Variants in SOAT2 observed in about 807,000 individuals in gnomAD.
The protein encoded by SOAT2 is ACAT-2.
SOAT2 carries 87 observed loss-of-function variants against 76.0 expected under a neutral mutation model. That is an observed-to-expected ratio of 1.14 (90% CI 0.96 to 1.37). The LOEUF (loss-of-function observed/expected upper bound fraction) is 1.37. Ranked by LOEUF, SOAT2 falls within the 40% of genes most tolerant of loss-of-function variation. SOAT2 has a pLI of 0.00. For missense variants in SOAT2, 686 were observed against 682.1 expected (o/e 1.01, Z -0.06); for synonymous variants, 285 against 275.4 (o/e 1.03, Z -0.34).
intron 1 of SOAT2, 84 bp downstream of exon 1, chr12:53,103,743 T>A: frequency 9.0e-7 from 1 of 1,111,200 alleles, no homozygotes; most frequent in Non-Finnish European, 1.3e-6. Flanking sequence ...AGGCTCCAAC[T>A]GCCTGATGCC....
intron 12 of SOAT2, among the ~76,000 whole-genome samples, chr12:53,121,701 A>G (rs1172843663): frequency 6.6e-6 from 1 of 151,342 alleles, no homozygotes; most frequent in Non-Finnish European, 1.5e-5. Flanking sequence ...GGGTTTTTAC[A>G]TACATTTAAT....
At chr12:53,105,706 C>G (rs1490728349) in intron 4 of SOAT2, 86 bp downstream of exon 4, 2 of 1,316,932 alleles carry the variant, frequency 1.5e-6, no homozygotes, top group Non-Finnish European at 2.2e-6. Flanking sequence ...TCCCCAGCCT[C>G]TAGGTGGTTT....
rs1394637241 is a variant in SOAT2, at chr12:53,121,314, C to T, written c.1149C>T (p.Asn383=). 3 of 1,614,038 alleles carry T rather than the reference C, an allele frequency of 1.9e-6. No homozygotes were observed. The highest frequency in any genetic ancestry group is 1.7e-5 in the Admixed American group (1 of 60,026). ...CCCACCTTCTCCAGGACTGGTGGAA[C>T]TCAACGTCCTTCTCCAACTACTACC... ...GDRMFYRDWW[N]STSFSNYYRT... is the part of the protein sequence containing the mutation. The change falls in exon 12 of 15, where the codon AAC becomes AAT. Residue 383 remains asparagine (N), a synonymous_variant. Transcript: ENST00000301466.
In SOAT2 at chr12:53,115,630, C is replaced by T; in HGVS notation, c.684C>T (p.Ser228=). 6.4e-7 allele frequency: 1 copy of T among 1,550,508 alleles called. No homozygotes were observed. The highest frequency in any genetic ancestry group is 8.7e-7 in the Non-Finnish European group (1 of 1,154,626). The change falls in exon 6 of 15, where the codon TCC becomes TCT. Residue 228 remains serine, a synonymous_variant. Coordinates refer to ENST00000301466, the MANE Select transcript of SOAT2 (RefSeq NM_003578.4). ...VAVEHQLPPA[S]RCVLVFEQVR... is the part of the protein sequence containing the mutation. The stretch of plus-strand genomic sequence containing the variant: ...TGGAGCATCAGCTCCCGCCGGCCTC[C>T]CGTTGTGTCCTGGTCTTCGAGCAGG...
rs576836879 is a variant in SOAT2, at chr12:53,122,907, G to A, written c.1237-174G>A. 3.6e-3 allele frequency among the ~76,000 whole-genome samples: 544 copies of A among 152,110 alleles called. 3 individuals are homozygous for A. Among genetic ancestry groups the A allele is most frequent in the African/African-American group, 0.012 (500 of 41,518 alleles). On this transcript the variant is annotated intron_variant, in intron 12 of 14. Transcript: ENST00000301466. ...GGGCTCCTCACTTCCCAGTAGGGGC[G>A]GCCGGGCAGAGGCGCCCCTCACCTC... is the stretch of plus-strand genomic sequence containing the variant.
chr12:53,115,229 C>T (rs540171601), intron 5 of SOAT2, among the ~76,000 whole-genome samples, 161 bp from the exon 6 acceptor site: 66 of 152,290 alleles, frequency 4.3e-4, no homozygotes, highest in African/African-American at 1.6e-3. Context: ...CCTGGAGCAA[C>T]GCCCTGTGCC....
At chr12:53,118,956 G>T in intron 9 of SOAT2, 21 bp downstream of exon 9, 2 of 1,613,984 alleles carry the variant, frequency 1.2e-6, no homozygotes, top group Non-Finnish European at 1.7e-6. Flanking sequence ...AGGGTAGAAG[G>T]GTGGACCTGT....
chr12:53,118,228 A>G (rs2121295715), intron 7 of SOAT2, 122 bp from the exon 8 acceptor site: 1 of 442,924 alleles, frequency 2.3e-6, no homozygotes. Flanking sequence ...CTCCTTGCTT[A>G]TCCCCCACCC....
intron 10 of SOAT2, among the ~76,000 whole-genome samples, 161 bp from the exon 11 acceptor site, chr12:53,120,618 CAAAAAAA>C (rs35658019): frequency 1.2e-5 from 1 of 86,810 alleles, no homozygotes; most frequent in Non-Finnish European, 2.4e-5. Flanking sequence ...CAGCCTGTCT[CAAAAAAA>C]AAAAAAAAAA....
chr12:53,105,487 G>C, intron 3 of SOAT2, 74 bp from the exon 4 acceptor site: 1 of 1,449,986 alleles, frequency 6.9e-7, no homozygotes, highest in Non-Finnish European at 9.6e-7. Flanking sequence ...TGGCTCCCAA[G>C]TATTGACCTT....
intron 5 of SOAT2, among the ~76,000 whole-genome samples, chr12:53,106,361 C>T (rs11170414): frequency 0.19 from 28,383 of 152,224 alleles, 3,374 homozygotes; most frequent in African/African-American, 0.34. Context: ...GAGCACCTCC[C>T]GAGTACCAGT....
chr12:53,104,837 A>C (rs1350475292), intron 2 of SOAT2, among the ~76,000 whole-genome samples: 1 of 152,086 alleles, frequency 6.6e-6, no homozygotes, highest in Non-Finnish European at 1.5e-5. Flanking sequence ...AACTCTGGGC[A>C]GGGATCATGG....
At chr12:53,123,949 C>G in intron 14 of SOAT2, 76 bp downstream of exon 14, 1 of 1,606,822 alleles carries the variant, frequency 6.2e-7, no homozygotes, top group Admixed American at 1.7e-5. Context: ...TCCTTGTTCC[C>G]CAACTCACCG....
chr12:53,105,625 G>A lies in SOAT2; in HGVS notation c.335+5G>A. ...CATCCGCAAGTCCCTGCTTGAGTAAGTCGGGGTGATGACAAGTAATGGGAG... is the reference window on the plus strand; with the variant it reads ...CATCCGCAAGTCCCTGCTTGAGTAAATCGGGGTGATGACAAGTAATGGGAG... On this transcript the variant is annotated splice_donor_5th_base_variant and intron_variant, in intron 4 of 14. Transcript: ENST00000301466. 6.2e-7 allele frequency: 1 copy of A among 1,608,558 alleles called. No individual in the cohort carries two copies. Among genetic ancestry groups the A allele is most frequent in the South Asian group, 1.1e-5 (1 of 90,096 alleles).
At chr12:53,123,354 C>T (rs982909567) in intron 13 of SOAT2, 138 bp downstream of exon 13, 1 of 1,107,344 alleles carries the variant, frequency 9.0e-7, no homozygotes, top group Non-Finnish European at 1.3e-6. Flanking sequence ...GAGGTGGAGT[C>T]AAGGGGGTAC....
At chr12:53,118,970 T>C (rs1477200873) in intron 9 of SOAT2, 35 bp downstream of exon 9, 1 of 1,613,410 alleles carries the variant, frequency 6.2e-7, no homozygotes, top group Admixed American at 1.7e-5. Flanking sequence ...GACCTGTGAC[T>C]CATGGTGGTG....
rs116930287 is a variant in SOAT2, at chr12:53,113,251, C to T, written c.444-2139C>T. 3.8e-3 allele frequency among the ~76,000 whole-genome samples: 572 copies of T among 152,288 alleles called. 2 individuals are homozygous for T. The highest frequency in any genetic ancestry group is 6.8e-3 in the Non-Finnish European group (460 of 68,006). ...GCAGGCGTATGAGTGAGCCCTATTG[C>T]TTCCCTGGGTGGTACCGGACAAATG... On this transcript the variant is annotated intron_variant, in intron 5 of 14. Coordinates refer to ENST00000301466, the MANE Select transcript of SOAT2 (RefSeq NM_003578.4).
chr12:53,104,529 C>A (rs3782150), intron 2 of SOAT2, among the ~76,000 whole-genome samples: 13,652 of 152,022 alleles, frequency 0.09, 674 homozygotes, highest in East Asian at 0.15. Context: ...CCGCCTCGGC[C>A]TCCCAAAGTG....
At chr12:53,108,250 A>G (rs751090467) in intron 5 of SOAT2, among the ~76,000 whole-genome samples, 1 of 152,146 alleles carries the variant, frequency 6.6e-6, no homozygotes, top group Non-Finnish European at 1.5e-5. Context: ...TTTACCTACC[A>G]CAGATCAGAA....
Sources: allele counts gnomAD v4.1 joint callset (sites outside exome capture counted in the v4.1 genomes callset), GRCh38; gene constraint gnomAD v4.1.1; transcripts MANE v1.5; gene names NCBI Gene and HGNC (gene_info 2026-07-23, HGNC 2026-07-21).